Variants in HDAC9 observed in about 807,000 individuals in gnomAD.
The protein encoded by HDAC9 is MEF-2 interacting transcription repressor (MITR) protein.
Under a neutral mutation model 139.4 loss-of-function variants are expected in HDAC9, and 41 were observed. That is an observed-to-expected ratio of 0.29 (90% confidence interval 0.23 to 0.38). The LOEUF is 0.38. Among genes scored for constraint, HDAC9 ranks in the 10% least tolerant of loss-of-function variants. The pLI, the probability that HDAC9 is intolerant of heterozygous loss-of-function variation, is 1.00. For missense variants in HDAC9, 1,147 were observed against 1,297.0 expected, an observed-to-expected ratio of 0.88 and a Z score of 1.78; for synonymous variants, 517 against 476.2, an observed-to-expected ratio of 1.09 and a Z score of -1.12.
rs1189305648 is a variant in HDAC9 at position 18,732,613 on chromosome 7, G to GTA, written c.1909+4861_1909+4862dup. Among the ~76,000 whole-genome samples the GTA allele has an allele frequency of 4.5e-4, 62 of 137,228 alleles. 11 individuals carry two copies. Among genetic ancestry groups the GTA allele is most frequent in the African/African-American group, 1.5e-3 (50 of 32,404 alleles). The allele number at this position is 137,228 out of a possible 152,430, so 90.0% of individuals were successfully genotyped here. A position where few individuals can be genotyped will look rare whatever the true frequency, so the allele number is the denominator to read the frequency against. ...CACACGTGTATATGTGTGCATATGT[G>GTA]TATATACACACACGTGTATATGTGT... is the stretch of plus-strand genomic sequence containing the variant. On this transcript the variant is annotated intron_variant, in intron 13 of 25. Coordinates refer to ENST00000686413, the MANE Select transcript of HDAC9 (RefSeq NM_178425.4).
chr7:18,235,272 T>C (rs1793740363), intron 2 of HDAC9, among the ~76,000 whole-genome samples: 1 of 152,210 alleles, frequency 6.6e-6, no homozygotes, highest in African/African-American at 2.4e-5. Flanking sequence ...ATCACTATAT[T>C]GAAGTTTACC....
At chr7:18,550,242 C>G (rs1356419326) in intron 2 of HDAC9, among the ~76,000 whole-genome samples, 1 of 152,128 alleles carries the variant, frequency 6.6e-6, no homozygotes, top group African/African-American at 2.4e-5. Context: ...GCCAGTTGCC[C>G]TACCAACCTG....
chr7:18,112,680 G>T (rs1416089033), intron 1 of HDAC9, among the ~76,000 whole-genome samples: 6 of 152,200 alleles, frequency 3.9e-5, no homozygotes, highest in African/African-American at 1.4e-4. Flanking sequence ...TTTGTCAATT[G>T]TGTGCTGTAT....
At chr7:18,992,681 A>C (rs1563115500) in intron 25 of HDAC9, among the ~76,000 whole-genome samples, 1 of 152,192 alleles carries the variant, frequency 6.6e-6, no homozygotes, top group Non-Finnish European at 1.5e-5. Context: ...TTAATACTAC[A>C]TCTTGTCTCA....
In HDAC9 at chr7:18,412,634, G is replaced by A. The variant is rs549116596; in HGVS notation, c.-41-83628G>A. On this transcript the variant is annotated intron_variant, in intron 1 of 3. Coordinates refer to the HDAC9 transcript ENST00000413509. Reference sequence around the variant, plus strand: ...GCCGTTGCATCACTAAGGGACTCACGCTCAGTTGTGATTTGCTTCAAAGCC... The same window carrying A: ...GCCGTTGCATCACTAAGGGACTCACACTCAGTTGTGATTTGCTTCAAAGCC... Among the ~76,000 whole-genome samples, 5 of 152,260 alleles carry A rather than the reference G, an allele frequency of 3.3e-5. No homozygotes were observed. The South Asian group carries it at 1.0e-3, about 32-fold the overall frequency.
At chr7:18,496,735 A>G (rs951917496) in intron 2 of HDAC9, 1 of 160,352 alleles carries the variant, frequency 6.2e-6, no homozygotes, top group South Asian at 2.0e-4. Flanking sequence ...TGACGATTTT[A>G]TATTTACTCT....
chr7:18,503,238 G>T (rs1798874755), intron 2 of HDAC9, among the ~76,000 whole-genome samples: 1 of 152,106 alleles, frequency 6.6e-6, no homozygotes, highest in Non-Finnish European at 1.5e-5. Context: ...TGAAGTGAGT[G>T]GTTAGCTTGG....
chr7:18,900,213 C>T (rs1427143313), intron 22 of HDAC9, among the ~76,000 whole-genome samples: 1 of 152,154 alleles, frequency 6.6e-6, no homozygotes, highest in Non-Finnish European at 1.5e-5. Flanking sequence ...CACAGGTGCA[C>T]ACACACTAAT....
intron 22 of HDAC9, among the ~76,000 whole-genome samples, chr7:18,911,181 G>A (rs1409841970): frequency 6.7e-6 from 1 of 150,226 alleles, no homozygotes; most frequent in East Asian, 1.9e-4. Flanking sequence ...ATCATGGTAG[G>A]TTGTATGTAT....
intron 6 of HDAC9, among the ~76,000 whole-genome samples, chr7:18,598,389 C>T (rs543471185): frequency 6.6e-6 from 1 of 152,054 alleles, no homozygotes; most frequent in African/African-American, 2.4e-5. Flanking sequence ...TTTAATGAAT[C>T]TTATACTAGT....
At chr7:18,965,981 A>G (rs758484110) in intron 24 of HDAC9, among the ~76,000 whole-genome samples, 6 of 152,208 alleles carry the variant, frequency 3.9e-5, no homozygotes, top group Non-Finnish European at 8.8e-5. Flanking sequence ...TGTTGTCTCA[A>G]CATCTCATCC....
At chr7:18,295,618 C>G (rs1017534824) in intron 1 of HDAC9, among the ~76,000 whole-genome samples, 1 of 152,132 alleles carries the variant, frequency 6.6e-6, no homozygotes, top group Non-Finnish European at 1.5e-5. Flanking sequence ...CTGGTCTAAA[C>G]TTACTTCCTT....
intron 12 of HDAC9, among the ~76,000 whole-genome samples, chr7:18,724,074 C>T (rs563850799): frequency 1.3e-5 from 2 of 152,276 alleles, no homozygotes; most frequent in Admixed American, 6.5e-5. Context: ...TTTAGAGCTT[C>T]TCCTTGCATT....
chr7:18,283,022 G>A (rs1161204867), intron 2 of HDAC9, among the ~76,000 whole-genome samples: 2 of 148,638 alleles, frequency 1.3e-5, no homozygotes, highest in East Asian at 4.0e-4. Flanking sequence ...CCCAGCAAGG[G>A]GAGATATTTC....
At chr7:18,387,731 T>G (rs1193702152) in intron 1 of HDAC9, among the ~76,000 whole-genome samples, 1 of 152,210 alleles carries the variant, frequency 6.6e-6, no homozygotes, top group East Asian at 1.9e-4. Flanking sequence ...TAAATAATAA[T>G]ATCAGTTGGT....
chr7:18,356,506 G>A (rs1783316736), intron 1 of HDAC9, among the ~76,000 whole-genome samples: 1 of 151,732 alleles, frequency 6.6e-6, no homozygotes, highest in South Asian at 2.1e-4. Context: ...TGACTCCTGC[G>A]AATGAATCCT....
At chr7:18,923,443 A>G (rs1195962875) in intron 22 of HDAC9, among the ~76,000 whole-genome samples, 2 of 152,032 alleles carry the variant, frequency 1.3e-5, no homozygotes, top group Admixed American at 6.6e-5. Flanking sequence ...TAGAATGGCT[A>G]GCATAGTGCT....
intron 4 of HDAC9, 65 bp downstream of exon 4, chr7:18,590,551 C>G (rs1022097912): frequency 1.4e-6 from 2 of 1,479,892 alleles, no homozygotes; most frequent in Non-Finnish European, 9.1e-7. Flanking sequence ...TTATTCAGAA[C>G]AAAGCCTGAT....
intron 12 of HDAC9, among the ~76,000 whole-genome samples, chr7:18,691,182 G>A (rs1782647355): frequency 6.6e-6 from 1 of 151,958 alleles, no homozygotes; most frequent in Admixed American, 6.6e-5. Flanking sequence ...TCAGGAGATA[G>A]GAGACATGGC....
Sources: allele counts gnomAD v4.1 joint callset (sites outside exome capture counted in the v4.1 genomes callset), GRCh38; gene constraint gnomAD v4.1.1; transcripts MANE v1.5; gene names NCBI Gene and HGNC (gene_info 2026-07-23, HGNC 2026-07-21).